NOS1AP: variants seen among roughly 807,000 people sequenced by gnomAD.
NOS1AP encodes the protein nitric oxide synthase 1 adaptor protein.
Under a neutral mutation model 56.2 loss-of-function variants are expected in NOS1AP, and 21 were observed. That is an observed-to-expected ratio of 0.37 (90% CI 0.26 to 0.54). The LOEUF is 0.54. Ranked by LOEUF, NOS1AP falls within the 20% of genes least tolerant of loss-of-function variation. The pLI is 0.84. For synonymous variants in NOS1AP, 270 were observed against 274.6 expected, an observed-to-expected ratio of 0.98 and a Z score of 0.17; for missense variants, 522 against 657.8, an observed-to-expected ratio of 0.79 and a Z score of 2.26.
rs533207851 is a variant in NOS1AP at position 162,368,769 on chromosome 1, G to A, written c.*1302G>A. The A allele has an allele frequency of 1.3e-5, 2 of 152,346 alleles. No individual in the cohort carries two copies. The highest frequency in any genetic ancestry group is 4.1e-4 in the South Asian group (2 of 4,830). The allele number at this position is 152,346 out of a possible 1,614,324, so 9.4% of individuals were successfully genotyped here. On this transcript the variant is annotated 3_prime_UTR_variant, in exon 10 of 10. Coordinates refer to ENST00000361897, the MANE Select transcript of NOS1AP (RefSeq NM_014697.3). ...AGATTTTCAAATGCCTGAAGAGATT[G>A]CTGAGACCTGCTAGAGTCATATGTT...
chr1:162,300,162 G>A (rs1006353251), intron 3 of NOS1AP, among the ~76,000 whole-genome samples: 1 of 152,130 alleles, frequency 6.6e-6, no homozygotes, highest in Non-Finnish European at 1.5e-5. Context: ...TGACCCTAAT[G>A]GCCCCCCACA....
intron 4 of NOS1AP, among the ~76,000 whole-genome samples, chr1:162,326,015 A>G (rs536015560): frequency 6.6e-6 from 1 of 152,272 alleles, no homozygotes; most frequent in South Asian, 2.1e-4. Flanking sequence ...ACAACATTTC[A>G]TGGGTTAGAG....
chr1:162,154,508 G>A, intron 2 of NOS1AP, 32 bp downstream of exon 2: 1 of 1,609,758 alleles, frequency 6.2e-7, no homozygotes, highest in Non-Finnish European at 8.5e-7. Flanking sequence ...GTGTGGAGCG[G>A]GGAGTCAAGT....
At chr1:162,305,374 A>C (rs1207768621) in intron 4 of NOS1AP, among the ~76,000 whole-genome samples, 2 of 148,240 alleles carry the variant, frequency 1.3e-5, no homozygotes, top group African/African-American at 5.0e-5. Flanking sequence ...GGACATCTAA[A>C]CCAATTCCTC....
chr1:162,230,237 C>T (rs930454968), intron 2 of NOS1AP, among the ~76,000 whole-genome samples: 6 of 152,074 alleles, frequency 3.9e-5, no homozygotes, highest in African/African-American at 7.2e-5. Context: ...CAAAACCGGA[C>T]GGAGGGGTGT....
intron 2 of NOS1AP, among the ~76,000 whole-genome samples, chr1:162,202,903 A>G (rs1176118604): frequency 2.0e-5 from 3 of 152,172 alleles, no homozygotes; most frequent in Non-Finnish European, 2.9e-5. Context: ...GCTTGGATAC[A>G]GGGGCTCAAC....
intron 2 of NOS1AP, among the ~76,000 whole-genome samples, chr1:162,225,599 C>G (rs1044359484): frequency 2.6e-5 from 4 of 152,192 alleles, no homozygotes; most frequent in African/African-American, 9.7e-5. Flanking sequence ...CCTGCAGGTG[C>G]CTCATAAACA....
At chr1:162,118,413 C>T (rs367980767) in intron 1 of NOS1AP, among the ~76,000 whole-genome samples, 7 of 152,202 alleles carry the variant, frequency 4.6e-5, no homozygotes, top group Admixed American at 6.5e-5. Flanking sequence ...GCTACATCCA[C>T]GTTGCTGCAA....
intron 6 of NOS1AP, among the ~76,000 whole-genome samples, chr1:162,351,101 C>G (rs1173059198): frequency 1.3e-5 from 2 of 152,224 alleles, no homozygotes; most frequent in Non-Finnish European, 2.9e-5. Context: ...TGGGTCCCAT[C>G]TCTAAGATAT....
At chr1:162,134,795 T>A (rs1336452795) in intron 1 of NOS1AP, among the ~76,000 whole-genome samples, 1 of 152,188 alleles carries the variant, frequency 6.6e-6, no homozygotes, top group African/African-American at 2.4e-5. Flanking sequence ...AGCAGCCATA[T>A]AAACCTGATC....
rs190438326 is a variant in NOS1AP, at chr1:162,316,445, C to T, written c.344+15739C>T. Among the ~76,000 whole-genome samples the T allele has an allele frequency of 2.0e-5, 3 of 152,316 alleles. No homozygotes were observed. The East Asian group carries it at 5.8e-4, about 29-fold the overall frequency. Reference sequence around the variant, plus strand: ...CCTTCCTCTGGTTGGCCGAGGATGCCAGTCCTGTCCAGCTACTGCTGTGCA... The same window carrying T: ...CCTTCCTCTGGTTGGCCGAGGATGCTAGTCCTGTCCAGCTACTGCTGTGCA... On this transcript the variant is annotated intron_variant, in intron 4 of 9. Coordinates refer to ENST00000361897, the MANE Select transcript of NOS1AP (RefSeq NM_014697.3).
intron 4 of NOS1AP, among the ~76,000 whole-genome samples, chr1:162,315,064 G>C (rs575379065): frequency 5.9e-5 from 9 of 152,324 alleles, no homozygotes; most frequent in African/African-American, 2.2e-4. Flanking sequence ...ATTATTAAAG[G>C]GAAGAGGATT....
intron 2 of NOS1AP, among the ~76,000 whole-genome samples, chr1:162,242,506 G>A (rs1653516814): frequency 1.3e-5 from 2 of 152,312 alleles, no homozygotes; most frequent in South Asian, 4.1e-4. Flanking sequence ...TTGATGGCCA[G>A]CATCATCTGT....
chr1:162,336,934 C>A (rs1656960427), intron 5 of NOS1AP, among the ~76,000 whole-genome samples: 1 of 152,194 alleles, frequency 6.6e-6, no homozygotes, highest in Non-Finnish European at 1.5e-5. Context: ...GGGAGTGGGT[C>A]TTTTCCTCAC....
intron 2 of NOS1AP, among the ~76,000 whole-genome samples, chr1:162,242,456 C>T (rs1400379833): frequency 1.3e-5 from 2 of 152,194 alleles, no homozygotes; most frequent in Non-Finnish European, 2.9e-5. Context: ...GGAGAGGCCA[C>T]GTGTAGGCAC....
At chr1:162,161,638 G>C (rs764893552) in intron 2 of NOS1AP, among the ~76,000 whole-genome samples, 3 of 151,480 alleles carry the variant, frequency 2.0e-5, no homozygotes, top group Non-Finnish European at 4.4e-5. Flanking sequence ...TGTCACCCAT[G>C]TTGGAGTGTG....
intron 2 of NOS1AP, among the ~76,000 whole-genome samples, chr1:162,187,752 T>A (rs923208127): frequency 6.6e-6 from 1 of 152,136 alleles, no homozygotes; most frequent in Non-Finnish European, 1.5e-5. Context: ...TCAGGCAAAT[T>A]CTTGAGCTGG....
At chr1:162,114,733 C>T (rs953324111) in intron 1 of NOS1AP, among the ~76,000 whole-genome samples, 13 of 152,194 alleles carry the variant, frequency 8.5e-5, no homozygotes, top group African/African-American at 2.7e-4. Context: ...GTGGTCTCAT[C>T]GGGACCTGCC....
intron 2 of NOS1AP, among the ~76,000 whole-genome samples, chr1:162,259,833 T>G (rs1384187762): frequency 5.3e-5 from 8 of 152,204 alleles, no homozygotes. Flanking sequence ...AGAAAGAAAT[T>G]TGGCAGTTAT....
Sources: gnomAD v4.1 joint callset for allele counts (sites outside exome capture counted in the v4.1 genomes callset) on GRCh38, gnomAD v4.1.1 for gene constraint, MANE v1.5 for transcripts, NCBI Gene and HGNC (gene_info 2026-07-23, HGNC 2026-07-21) for gene names.